UQCRC2: variants seen among roughly 807,000 people sequenced by gnomAD.
The protein encoded by UQCRC2 is ubiquinol-cytochrome c reductase core protein 2.
A neutral mutation model predicts 55.6 loss-of-function variants in UQCRC2; 49 were observed. The ratio of observed to expected loss-of-function variants is 0.88; its 90% CI spans 0.70 to 1.12. The LOEUF (loss-of-function observed/expected upper bound fraction) is 1.12, where lower values mean the gene tolerates loss of function less well. UQCRC2 is among the 50% of genes most tolerant of loss of function. UQCRC2 has a pLI of 0.00. For missense variants in UQCRC2, 506 were observed against 547.8 expected (o/e 0.92, Z 0.76); for synonymous variants, 193 against 192.0 (o/e 1.01, Z -0.04).
At chr16:21,962,565 G>A in intron 5 of UQCRC2, 49 bp downstream of exon 5, 2 of 1,611,902 alleles carry the variant, frequency 1.2e-6, no homozygotes, top group East Asian at 2.2e-5. Context: ...GAAATACTAA[G>A]CTGCTCACTT....
At chr16:21,965,569 C>A in intron 7 of UQCRC2, 64 bp downstream of exon 7, 2 of 1,317,962 alleles carry the variant, frequency 1.5e-6, no homozygotes, top group South Asian at 1.7e-5. Context: ...TCTCCCATTT[C>A]AGGTTTGTTT....
At position 21,976,147 on chromosome 16, in the gene UQCRC2, A is replaced by G. The variant is rs1449263673; in HGVS notation, c.1048-20A>G. The G allele has an allele frequency of 3.7e-6, 6 of 1,607,424 alleles. No individual in the cohort carries two copies. The highest frequency in any genetic ancestry group is 1.1e-5 in the South Asian group (1 of 90,872). On this transcript the variant is annotated intron_variant, in intron 11 of 13. Transcript: ENST00000268379. ...CTCTGGTACTGACCACAGATGACCA[A>G]CTTTTCTTATCTGTCCTAGGTTATC...
chr16:21,967,149 G>A (rs900175531), intron 7 of UQCRC2, among the ~76,000 whole-genome samples: 1 of 152,070 alleles, frequency 6.6e-6, no homozygotes. Flanking sequence ...AGAAATTGGC[G>A]CTAGAATACT....
intron 6 of UQCRC2, among the ~76,000 whole-genome samples, chr16:21,964,386 A>G (rs1207209514): frequency 6.6e-6 from 1 of 152,084 alleles, no homozygotes; most frequent in Admixed American, 6.5e-5. Flanking sequence ...CCACACGGCC[A>G]TTACAGTGAT....
chr16:21,971,465 T>C (rs1898458134), intron 8 of UQCRC2, 60 bp from the exon 9 acceptor site: 1 of 1,368,866 alleles, frequency 7.3e-7, no homozygotes, highest in Non-Finnish European at 1.0e-6. Flanking sequence ...GGAAAAAATA[T>C]TTTACGATTG....
intron 10 of UQCRC2, 88 bp from the exon 11 acceptor site, chr16:21,973,808 G>T (rs1898518674): frequency 3.3e-6 from 4 of 1,200,174 alleles, no homozygotes; most frequent in Non-Finnish European, 4.8e-6. Flanking sequence ...TACCGTGAAG[G>T]TCCAAGTTTT....
intron 6 of UQCRC2, among the ~76,000 whole-genome samples, chr16:21,963,589 G>C (rs1898255256): frequency 6.6e-6 from 1 of 151,958 alleles, no homozygotes; most frequent in African/African-American, 2.4e-5. Flanking sequence ...TCAGCCTCCT[G>C]AGTAGCTGGG....
In UQCRC2 at chr16:21,972,052, T is replaced by C; in HGVS notation, c.896T>C (p.Val299Ala). ...CATGTCCTCGGTGCTGGGCCACATG[T>C]CAAGAGGGGCAGCAACACCACCAGC... ...LQHVLGAGPH[V>A]KRGSNTTSHL... Residue 299 changes from valine to alanine, a missense_variant, in exon 10 of 14, where the codon GTC becomes GCC. By Grantham distance (64) the Val-to-Ala change is moderately conservative (BLOSUM62 0). Transcript: ENST00000268379. 1 of 1,614,172 alleles carries C rather than the reference T, an allele frequency of 6.2e-7. No individual in the cohort carries two copies. Among genetic ancestry groups the C allele is most frequent in the Non-Finnish European group, 8.5e-7 (1 of 1,180,022 alleles).
intron 7 of UQCRC2, 64 bp downstream of exon 7, chr16:21,965,569 C>G: frequency 7.6e-7 from 1 of 1,317,968 alleles, no homozygotes; most frequent in South Asian, 1.7e-5. Context: ...TCTCCCATTT[C>G]AGGTTTGTTT....
chr16:21,953,390 C>T lies in UQCRC2; in HGVS notation c.-34C>T, dbSNP rs1171921670. 4 of 1,610,452 alleles carry T rather than the reference C, an allele frequency of 2.5e-6. No individual in the cohort carries two copies. Among genetic ancestry groups the T allele is most frequent in the South Asian group, 2.2e-5 (2 of 90,112 alleles). ...GCCACCATCTTGCTTTCCTTTAATC[C>T]GGCAGTGACCGTGTGTCAGAACAAT... is the stretch of plus-strand genomic sequence containing the variant. On this transcript the variant is annotated 5_prime_UTR_variant, in exon 1 of 14. Transcript: ENST00000268379.
At chr16:21,961,942 T>G (rs2141931355) in intron 4 of UQCRC2, among the ~76,000 whole-genome samples, 1 of 152,034 alleles carries the variant, frequency 6.6e-6, no homozygotes, top group Middle Eastern at 3.4e-3. Flanking sequence ...TGTGAGCCAC[T>G]GCGCCCGGCC....
chr16:21,974,693 A>G (rs1166280905), intron 11 of UQCRC2, among the ~76,000 whole-genome samples: 1 of 152,172 alleles, frequency 6.6e-6, no homozygotes, highest in African/African-American at 2.4e-5. Flanking sequence ...GTTTTAGGAG[A>G]GTTTACACTG....
At position 21,983,618 on chromosome 16, in the gene UQCRC2, A is replaced by C. The variant is rs754117576; in HGVS notation, c.*447A>C. 1.7e-5 allele frequency: 3 copies of C among 178,430 alleles called. No homozygotes were observed. Among genetic ancestry groups the C allele is most frequent in the Non-Finnish European group, 3.5e-5 (3 of 86,378 alleles). 11.1% of individuals were successfully genotyped at this position (178,430 alleles called of 1,614,324 possible). On this transcript the variant is annotated 3_prime_UTR_variant, in exon 14 of 14. Coordinates refer to ENST00000268379, the MANE Select transcript of UQCRC2 (RefSeq NM_003366.4). The stretch of plus-strand genomic sequence containing the variant: ...TTTACCCCTGTTTTGCCTTTTTTGC[A>C]ATAAAATTATTTCCAAAAAACATAC...
intron 12 of UQCRC2, 166 bp downstream of exon 12, chr16:21,976,409 C>A: frequency 1.7e-6 from 1 of 604,858 alleles, no homozygotes; most frequent in Non-Finnish European, 2.7e-6. Context: ...TAATTGTTAA[C>A]ATTTTGGCCA....
At chr16:21,958,245 A>T (rs1248049971) in intron 3 of UQCRC2, among the ~76,000 whole-genome samples, 1 of 152,186 alleles carries the variant, frequency 6.6e-6, no homozygotes. Context: ...AGTGCCGCAA[A>T]TTGAAAGAAA....
chr16:21,972,952 TG>T (rs1898497822), intron 10 of UQCRC2, among the ~76,000 whole-genome samples: 1 of 151,970 alleles, frequency 6.6e-6, no homozygotes, highest in South Asian at 2.1e-4. Flanking sequence ...ATACAAAAAT[TG>T]TCTGGGCGTG....
intron 1 of UQCRC2, among the ~76,000 whole-genome samples, chr16:21,954,832 TGAG>T (rs1898063203): frequency 1.3e-5 from 2 of 150,826 alleles, no homozygotes; most frequent in South Asian, 2.1e-4. Flanking sequence ...TCACTTGAGA[TGAG>T]GAGTTCGAAA....
At chr16:21,981,462 T>TA (rs1364287464) in intron 13 of UQCRC2, among the ~76,000 whole-genome samples, 1 of 151,842 alleles carries the variant, frequency 6.6e-6, no homozygotes, top group Non-Finnish European at 1.5e-5. Context: ...TAAGAAAAAA[T>TA]AAAAAACTAA....
At chr16:21,956,577 C>CT (rs918477147) in intron 1 of UQCRC2, among the ~76,000 whole-genome samples, 2 of 152,048 alleles carry the variant, frequency 1.3e-5, no homozygotes, top group African/African-American at 4.8e-5. Flanking sequence ...TGATCTGACA[C>CT]TTTTTCAAAA....
Sources: gnomAD v4.1 joint callset for allele counts (sites outside exome capture counted in the v4.1 genomes callset) on GRCh38, gnomAD v4.1.1 for gene constraint, MANE v1.5 for transcripts, NCBI Gene and HGNC (gene_info 2026-07-23, HGNC 2026-07-21) for gene names.